Variants in MRE11 observed in about 807,000 individuals in gnomAD.
MRE11 encodes double-strand break repair protein MRE11.
MRE11 carries 62 observed loss-of-function variants against 91.7 expected under a neutral mutation model. The observed-to-expected ratio is 0.68, with a 90% CI of 0.55 to 0.84. MRE11 has a LOEUF of 0.84. Ranked by LOEUF, MRE11 falls within the 40% of genes least tolerant of loss-of-function variation. The pLI, the probability that MRE11 is intolerant of heterozygous loss-of-function variation, is 0.00. For synonymous variants in MRE11, 273 were observed against 271.4 expected, an observed-to-expected ratio of 1.01 and a Z score of -0.06; for missense variants, 796 against 852.9, an observed-to-expected ratio of 0.93 and a Z score of 0.83.
Position 94,464,232 on chromosome 11 carries a change from T to G in MRE11, c.1106A>C (p.Tyr369Ser), listed in dbSNP as rs746283923. The G allele has an allele frequency of 1.9e-6, 3 of 1,613,912 alleles. No individual in the cohort carries two copies. The South Asian group carries it at 3.3e-5, about 18-fold the overall frequency. Residue 369 changes from tyrosine to serine, a missense_variant, in exon 11 of 20, where the codon TAT becomes TCT. Coordinates refer to ENST00000323929, the MANE Select transcript of MRE11 (RefSeq NM_005591.4). Reference sequence around the variant, plus strand: ...ACTGAAAGGTTCAAAACCTCCACTATAGTCCACCTGAAAACACAGAATAAT... The same window carrying G: ...ACTGAAAGGTTCAAAACCTCCACTAGAGTCCACCTGAAAACACAGAATAAT... ...EKPLVRLRVD[Y>S]SGGFEPFSVL...
intron 3 of MRE11, among the ~76,000 whole-genome samples, chr11:94,489,746 T>C (rs1055647212): frequency 6.6e-6 from 1 of 152,146 alleles, no homozygotes; most frequent in Admixed American, 6.5e-5. Flanking sequence ...ATTCTCCAAC[T>C]CTCTCCTGGG....
chr11:94,447,303 T>C lies in MRE11; in HGVS notation c.1699A>G (p.Asn567Asp), dbSNP rs778585671. The change falls in exon 15 of 20, where the codon AAC becomes GAC. Residue 567 changes from asparagine to aspartate, a missense_variant. Asn to Asp is a conservative substitution (Grantham distance 23). Coordinates refer to ENST00000323929, the MANE Select transcript of MRE11 (RefSeq NM_005591.4). ...CCTCTTCCTCGGCCTCTTCCTTTGT[T>C]GGTTGCTGCTGAGATGCTATCATCA... The part of the protein sequence containing the change: ...DSDDSISAAT[N>D]KGRGRGRGRR... 64 of 1,613,972 alleles carry C rather than the reference T, an allele frequency of 4.0e-5. No homozygotes were observed. The highest frequency in any genetic ancestry group is 4.8e-5 in the Non-Finnish European group (57 of 1,180,006).
the MRE11 span, among the ~76,000 whole-genome samples, chr11:94,502,301 T>C: frequency 6.6e-6 from 1 of 152,240 alleles, no homozygotes; most frequent in Non-Finnish European, 1.5e-5. Flanking sequence ...ATTTGTAAAG[T>C]TGATTAAAGA....
intron 7 of MRE11, 66 bp from the exon 8 acceptor site, chr11:94,471,825 A>G: frequency 7.9e-7 from 1 of 1,268,816 alleles, no homozygotes; most frequent in South Asian, 1.3e-5. Context: ...TGAAGTCTAT[A>G]CAGATCTTTC....
At chr11:94,446,568 T>C (rs1212934053) in intron 15 of MRE11, among the ~76,000 whole-genome samples, 1 of 152,218 alleles carries the variant, frequency 6.6e-6, no homozygotes, top group East Asian at 1.9e-4. Flanking sequence ...TTCCTATGGA[T>C]GCATATTTAA....
chr11:94,491,933 C>T (rs1388639665), intron 2 of MRE11, among the ~76,000 whole-genome samples: 2 of 152,152 alleles, frequency 1.3e-5, no homozygotes, highest in Non-Finnish European at 2.9e-5. Context: ...GTTTCTGTAG[C>T]AATTTATGAA....
chr11:94,439,975 G>A (rs1206050171), intron 16 of MRE11, among the ~76,000 whole-genome samples: 3 of 152,140 alleles, frequency 2.0e-5, no homozygotes, highest in Admixed American at 6.5e-5. Flanking sequence ...CAAATATAGT[G>A]GATACAGTGA....
At chr11:94,475,621 T>C (rs1946832190) in intron 7 of MRE11, 1 of 455,712 alleles carries the variant, frequency 2.2e-6, no homozygotes, top group Non-Finnish European at 4.4e-6. Flanking sequence ...TCCTATACCC[T>C]GCCAACAGAT....
chr11:94,464,041 C>T (rs1565223562), intron 11 of MRE11, 72 bp downstream of exon 11: 1 of 1,475,396 alleles, frequency 6.8e-7, no homozygotes, highest in East Asian at 2.3e-5. Context: ...TATTATGTTA[C>T]AGTTTTTAAT....
At chr11:94,444,460 C>T (rs1046992548) in intron 16 of MRE11, among the ~76,000 whole-genome samples, 1 of 152,048 alleles carries the variant, frequency 6.6e-6, no homozygotes, top group South Asian at 2.1e-4. Context: ...TAGTTTCTGT[C>T]GCTAGTGATA....
intron 16 of MRE11, among the ~76,000 whole-genome samples, chr11:94,444,954 G>A (rs1001011512): frequency 6.6e-6 from 1 of 151,946 alleles, no homozygotes; most frequent in African/African-American, 2.4e-5. Flanking sequence ...CTATCTTAAT[G>A]CATACTTTTT....
chr11:94,497,869 T>C, upstream of MRE11: 1 of 516,436 alleles, frequency 1.9e-6, no homozygotes, highest in East Asian at 3.2e-5. Context: ...CAACAAAGTG[T>C]AGTTAACACT....
At chr11:94,473,653 G>C (rs897037941) in intron 7 of MRE11, 9 of 151,208 alleles carry the variant, frequency 6.0e-5, no homozygotes, top group African/African-American at 2.0e-4. Flanking sequence ...CATAACCACA[G>C]TGAAGGGGGT....
intron 19 of MRE11, among the ~76,000 whole-genome samples, chr11:94,423,345 G>A (rs1945224014): frequency 6.6e-6 from 1 of 152,166 alleles, no homozygotes; most frequent in South Asian, 2.1e-4. Flanking sequence ...AAGATTCCAT[G>A]CCCCCTGGAG....
rs1224848519 is a variant in MRE11, at chr11:94,486,038, G to A, written c.200C>T (p.Pro67Leu). 1.2e-6 allele frequency: 2 copies of A among 1,613,412 alleles called. No individual in the cohort carries two copies. Among genetic ancestry groups the A allele is most frequent in the Non-Finnish European group, 1.7e-6 (2 of 1,179,778 alleles). The change falls in exon 4 of 20, where the codon CCC (proline) becomes CTC (leucine). Residue 67 changes from proline to leucine, a missense_variant. Coordinates refer to ENST00000323929, the MANE Select transcript of MRE11 (RefSeq NM_005591.4). ...GCAGGTATGTAATGTTTTCCTTGAG[G>A]GCTTATTTTCATGAAAAAGATCACC... ...LGGDLFHENK[P>L]SRKTLHTCLE... is the part of the protein sequence containing the mutation.
At chr11:94,450,647 T>C (rs896179963) in intron 14 of MRE11, among the ~76,000 whole-genome samples, 1 of 152,086 alleles carries the variant, frequency 6.6e-6, no homozygotes, top group East Asian at 1.9e-4. Flanking sequence ...AAAACGAAAG[T>C]TGCAGAACAT....
At chr11:94,430,090 T>C in intron 18 of MRE11, 104 bp from the exon 19 acceptor site, 6 of 1,035,620 alleles carry the variant, frequency 5.8e-6, no homozygotes, top group Non-Finnish European at 9.0e-6. Context: ...CGAATATAAA[T>C]AACACACAAT....
rs373737175 is a variant in MRE11, at chr11:94,483,854, T to TTAAATAAA, written c.314+2062_314+2069dup. Reference sequence around the variant, plus strand: ...CCAGACCCTGTCTCAAAAGCAAAAATTAAATAAATAAATAAATAAATAAAT... The same window carrying TTAAATAAA: ...CCAGACCCTGTCTCAAAAGCAAAAATTAAATAAATAAATAAATAAATAAATAAATAAAT... On this transcript the variant is annotated intron_variant, in intron 4 of 19. Coordinates refer to ENST00000323929, the MANE Select transcript of MRE11 (RefSeq NM_005591.4). The TTAAATAAA allele has an allele frequency of 1.4e-4, 22 of 151,788 alleles. No individual in the cohort carries two copies. The East Asian group carries it at 2.1e-3, about 15-fold the overall frequency. 9.4% of individuals were successfully genotyped at this position (151,788 alleles called of 1,614,324 possible).
chr11:94,456,438 T>A, intron 13 of MRE11, 100 bp from the exon 14 acceptor site: 1 of 942,628 alleles, frequency 1.1e-6, no homozygotes, highest in Non-Finnish European at 1.7e-6. Context: ...GTTATAAAAC[T>A]TGCAAATTTA....
Sources: allele counts gnomAD v4.1 joint callset (sites outside exome capture counted in the v4.1 genomes callset), GRCh38; gene constraint gnomAD v4.1.1; transcripts MANE v1.5; gene names NCBI Gene and HGNC (gene_info 2026-07-23, HGNC 2026-07-21).